The following R3HDM2 variants were observed in gnomAD, a reference collection of about 807,000 sequenced individuals.
R3HDM2 encodes the protein R3H domain containing 2.
R3HDM2 carries 38 observed loss-of-function variants against 124.5 expected under a neutral mutation model. The observed-to-expected ratio is 0.31, with a 90% CI of 0.24 to 0.40. The LOEUF is 0.40. R3HDM2 is among the 10% of genes least tolerant of loss of function. The pLI, the probability that R3HDM2 is intolerant of heterozygous loss-of-function variation, is 1.00. For missense variants in R3HDM2, 869 were observed against 1,236.9 expected (o/e 0.70, Z 4.46); for synonymous variants, 391 against 448.0 (o/e 0.87, Z 1.61).
intron 4 of R3HDM2, among the ~76,000 whole-genome samples, 152 bp from the exon 5 acceptor site, chr12:57,300,333 C>T (rs1390257823): frequency 1.3e-5 from 2 of 152,050 alleles, no homozygotes; most frequent in Admixed American, 1.3e-4. Flanking sequence ...TTTTTTCAAA[C>T]GGGTCCTACT....
intron 18 of R3HDM2, among the ~76,000 whole-genome samples, chr12:57,267,918 C>A (rs539686096): frequency 6.6e-6 from 1 of 152,276 alleles, no homozygotes; most frequent in Non-Finnish European, 1.5e-5. Flanking sequence ...TAAATAGATA[C>A]AGAAATAGAC....
At chr12:57,337,140 T>C (rs117796570) in intron 2 of R3HDM2, among the ~76,000 whole-genome samples, 1,508 of 144,878 alleles carry the variant, frequency 0.01, 12 homozygotes, top group Middle Eastern at 0.044. Context: ...TTCTCTCTTT[T>C]TGTTGTTGTT....
At chr12:57,401,877 C>T (rs994419162) in intron 1 of R3HDM2, among the ~76,000 whole-genome samples, 4 of 151,650 alleles carry the variant, frequency 2.6e-5, no homozygotes, top group African/African-American at 7.3e-5. Context: ...CCCAGCTACT[C>T]GGGAGGCTGA....
At chr12:57,293,480 T>A (rs891753672) in intron 10 of R3HDM2, among the ~76,000 whole-genome samples, 2 of 152,038 alleles carry the variant, frequency 1.3e-5, no homozygotes, top group South Asian at 4.2e-4. Context: ...CTAGAAAATG[T>A]AGTGAGGTAA....
chr12:57,284,572 C>T (rs990412157), intron 12 of R3HDM2, among the ~76,000 whole-genome samples: 1 of 152,200 alleles, frequency 6.6e-6, no homozygotes, highest in Non-Finnish European at 1.5e-5. Context: ...GCCACCCTTC[C>T]AGGAGTTGCA....
At chr12:57,357,627 A>G (rs903175246) in intron 2 of R3HDM2, among the ~76,000 whole-genome samples, 2 of 145,944 alleles carry the variant, frequency 1.4e-5, no homozygotes, top group African/African-American at 5.1e-5. Context: ...TTAAAGAACT[A>G]GCTTGTAGTT....
chr12:57,343,824 T>C (rs966894485), intron 2 of R3HDM2, among the ~76,000 whole-genome samples: 1 of 149,342 alleles, frequency 6.7e-6, no homozygotes, highest in Admixed American at 6.7e-5. Flanking sequence ...ATGAGAAGCC[T>C]TAGGGGGTTG....
intron 2 of R3HDM2, among the ~76,000 whole-genome samples, chr12:57,327,032 T>C (rs1325640776): frequency 2.0e-5 from 3 of 152,162 alleles, no homozygotes; most frequent in Non-Finnish European, 4.4e-5. Flanking sequence ...TCATTGACAT[T>C]GCACCTAATC....
intron 1 of R3HDM2, among the ~76,000 whole-genome samples, chr12:57,407,443 T>G (rs1167633127): frequency 5.9e-5 from 9 of 151,964 alleles, no homozygotes; most frequent in African/African-American, 2.2e-4. Flanking sequence ...TCTCACTCTG[T>G]TGCCCAGGCT....
intron 1 of R3HDM2, among the ~76,000 whole-genome samples, chr12:57,416,318 A>G (rs1184924692): frequency 6.6e-6 from 1 of 152,144 alleles, no homozygotes; most frequent in African/African-American, 2.4e-5. Context: ...AAATGTGGCA[A>G]AATATTATCA....
intron 2 of R3HDM2, among the ~76,000 whole-genome samples, chr12:57,375,129 T>C (rs1425264086): frequency 1.3e-5 from 2 of 151,894 alleles, no homozygotes; most frequent in Non-Finnish European, 1.5e-5. Flanking sequence ...AATAATATTC[T>C]GCATCCAAAA....
chr12:57,255,496 T>C (rs979650175), intron 23 of R3HDM2, among the ~76,000 whole-genome samples: 3 of 152,200 alleles, frequency 2.0e-5, no homozygotes, highest in African/African-American at 7.2e-5. Flanking sequence ...ATAGTTCCCT[T>C]CCCACTCAGA....
intron 14 of R3HDM2, among the ~76,000 whole-genome samples, chr12:57,273,800 A>G (rs1393833545): frequency 6.6e-6 from 1 of 152,198 alleles, no homozygotes; most frequent in Non-Finnish European, 1.5e-5. Context: ...TGGTATCAAT[A>G]TCCTCTCCTG....
intron 2 of R3HDM2, among the ~76,000 whole-genome samples, chr12:57,385,087 A>T (rs1283191657): frequency 6.6e-6 from 1 of 151,972 alleles, no homozygotes; most frequent in Non-Finnish European, 1.5e-5. Context: ...TGGAGGTTGC[A>T]GTGAGCAGAT....
chr12:57,297,974 A>T (rs970458063), intron 7 of R3HDM2, 116 bp downstream of exon 7: 2 of 735,662 alleles, frequency 2.7e-6, no homozygotes, highest in South Asian at 3.0e-5. Flanking sequence ...TACTAGGGGG[A>T]CAGGAAGATG....
At chr12:57,409,159 A>G (rs1302848671) in intron 1 of R3HDM2, among the ~76,000 whole-genome samples, 2 of 152,208 alleles carry the variant, frequency 1.3e-5, no homozygotes, top group African/African-American at 4.8e-5. Flanking sequence ...AATGATCCCA[A>G]GTACCTTATC....
chr12:57,392,061 G>A (rs527732834), intron 2 of R3HDM2, among the ~76,000 whole-genome samples: 1 of 152,308 alleles, frequency 6.6e-6, no homozygotes, highest in African/African-American at 2.4e-5. Context: ...AATTTGGGAG[G>A]CCAAGGCAGG....
At chr12:57,297,510 A>T in intron 7 of R3HDM2, 123 bp from the exon 8 acceptor site, 2 of 582,620 alleles carry the variant, frequency 3.4e-6, no homozygotes, top group South Asian at 2.4e-5. Context: ...ATATATCCAA[A>T]CCCAGTAATG....
At chr12:57,384,090 AGT>A (rs1461863754) in intron 2 of R3HDM2, among the ~76,000 whole-genome samples, 1 of 151,926 alleles carries the variant, frequency 6.6e-6, no homozygotes, top group African/African-American at 2.4e-5. Flanking sequence ...GGCCGGGCGC[AGT>A]GGCTCAAGCC....
Sources: allele counts gnomAD v4.1 joint callset (sites outside exome capture counted in the v4.1 genomes callset), GRCh38; gene constraint gnomAD v4.1.1; transcripts MANE v1.5; gene names NCBI Gene and HGNC (gene_info 2026-07-23, HGNC 2026-07-21).